MCM7: variants seen among roughly 807,000 people sequenced by gnomAD.
MCM7 encodes DNA replication licensing factor MCM7.
A neutral mutation model predicts 83.5 loss-of-function variants in MCM7; 95 were observed. The observed-to-expected ratio is 1.14, with a 90% CI of 0.96 to 1.35. MCM7 has a LOEUF of 1.35. MCM7 is among the 40% of genes most tolerant of loss of function. The pLI, the probability that MCM7 is intolerant of heterozygous loss-of-function variation, is 0.00. For missense variants in MCM7, 1,087 were observed against 957.4 expected (o/e 1.14, Z -1.79); for synonymous variants, 461 against 352.7 (o/e 1.31, Z -3.44).
intron 1 of MCM7, 185 bp downstream of exon 1, chr7:100,101,079 C>T (rs1795994142): frequency 2.7e-6 from 2 of 750,686 alleles, no homozygotes; most frequent in Admixed American, 2.8e-5. Context: ...TCTTCAACAT[C>T]GATGGCCCCC....
rs758325786 is a variant in MCM7, at chr7:100,097,632, G to A, written c.1099C>T (p.Arg367Ter). 5.0e-6 allele frequency: 8 copies of A among 1,613,852 alleles called. No homozygotes were observed. Among genetic ancestry groups the A allele is most frequent in the Non-Finnish European group, 5.9e-6 (7 of 1,180,012 alleles). The change falls in exon 9 of 15, where the codon CGA (arginine) becomes TGA (stop). Residue 367 changes from arginine to a stop codon, truncating the protein, a stop_gained. Transcript: ENST00000303887. LOFTEE classifies it high-confidence loss of function. ...LLVGGVDQSP[R>*]GMKIRGNINI... ...TTCTTACCCCGGATTTTCATGCCTC[G>A]AGGAGACTGGTCCACACCCCCGACT... is the stretch of plus-strand genomic sequence containing the variant.
Position 100,096,125 on chromosome 7 carries a change from G to A in MCM7, c.1244C>T (p.Thr415Met), listed in dbSNP as rs746208805. ...CACGGAGTCTCTCAGCACAGCTGCC[G>A]TAAGCCCCACTCCTGAGGAGCCCCG... ...TGRGSSGVGL[T>M]AAVLRDSVSG... is the part of the protein sequence containing the mutation. The change falls in exon 11 of 15, where the codon ACG becomes ATG. Residue 415 changes from threonine to methionine, a missense_variant. Coordinates refer to ENST00000303887, the MANE Select transcript of MCM7 (RefSeq NM_005916.5). 18 of 1,613,084 alleles carry A rather than the reference G, an allele frequency of 1.1e-5. No individual in the cohort carries two copies. In the Admixed American group the frequency reaches 1.2e-4, roughly 10 times the overall value.
chr7:100,098,641 C>A lies in MCM7; in HGVS notation c.657G>T (p.Arg219=). 1 of 1,614,138 alleles carries A rather than the reference C, an allele frequency of 6.2e-7. No individual in the cohort carries two copies. Among genetic ancestry groups the A allele is most frequent in the Non-Finnish European group, 8.5e-7 (1 of 1,180,036 alleles). Reference sequence around the variant, plus strand: ...TGGAGCCCCGTGTCTGCAGATACAGCCGCCCTCCTGAGCGGTTGGTTTGGC... The same window carrying A: ...TGGAGCCCCGTGTCTGCAGATACAGACGCCCTCCTGAGCGGTTGGTTTGGC... The part of the protein sequence containing the change: ...QECQTNRSGG[R]LYLQTRGSRF... Residue 219 remains arginine, a synonymous_variant, in exon 6 of 15, where the codon CGG becomes CGT. Coordinates refer to ENST00000303887, the MANE Select transcript of MCM7 (RefSeq NM_005916.5).
rs527521032 is a variant in MCM7 at position 100,098,947 on chromosome 7, G to A, written c.582+76C>T. 2.3e-5 allele frequency: 36 copies of A among 1,572,678 alleles called. No individual in the cohort carries two copies. The African/African-American group carries it at 3.6e-4, about 16-fold the overall frequency. On this transcript the variant is annotated intron_variant, in intron 5 of 14. Coordinates refer to ENST00000303887, the MANE Select transcript of MCM7 (RefSeq NM_005916.5). ...ACTTTTACAACCAAATAAAACAATAGGCATCACAGGATCAAATTAATCTCT... is the reference window on the plus strand; with the variant it reads ...ACTTTTACAACCAAATAAAACAATAAGCATCACAGGATCAAATTAATCTCT...
chr7:100,099,933 T>C, intron 2 of MCM7, 81 bp downstream of exon 2: 2 of 1,468,846 alleles, frequency 1.4e-6, no homozygotes, highest in Non-Finnish European at 1.9e-6. Flanking sequence ...TTGTTATGTC[T>C]TTAATAAAAC....
rs748390138 is a variant in MCM7 at position 100,098,587 on chromosome 7, C to A, written c.711G>T (p.Met237Ile). The A allele has an allele frequency of 6.2e-7, 1 of 1,614,228 alleles. No individual in the cohort carries two copies. The highest frequency in any genetic ancestry group is 8.5e-7 in the Non-Finnish European group (1 of 1,180,040). ...SRFIKFQEMKMQEHSDQVPVG... is the reference protein window; with the variant it reads ...SRFIKFQEMKIQEHSDQVPVG... ...CGTACCCCAAACTCACATGTTCTTG[C>A]ATCTTCATCTCCTGGAATTTGATGA... Residue 237 changes from methionine to isoleucine, a missense_variant, in exon 6 of 15, where the codon ATG (methionine) becomes ATT (isoleucine). Transcript: ENST00000303887.
At chr7:100,093,180 G>T in intron 14 of MCM7, 47 bp from the exon 15 acceptor site, 1 of 1,603,328 alleles carries the variant, frequency 6.2e-7, no homozygotes, top group Non-Finnish European at 8.5e-7. Context: ...AAACAGGAAT[G>T]CTCGACATCA....
chr7:100,100,711 G>GCTCT (rs937973129), intron 1 of MCM7: 1 of 989,264 alleles, frequency 1.0e-6, no homozygotes, highest in Non-Finnish European at 1.2e-6. Flanking sequence ...CCGGGCCGCA[G>GCTCT]CTCTCTCCGC....
chr7:100,095,500 C>T, intron 11 of MCM7, 30 bp from the exon 12 acceptor site: 1 of 1,604,002 alleles, frequency 6.2e-7, no homozygotes, highest in Non-Finnish European at 8.5e-7. Context: ...GAAGGAACAC[C>T]CTTTTTAGGG....
At position 100,101,267 on chromosome 7, in the gene MCM7, T is replaced by C. The variant is rs1423496444; in HGVS notation, c.28A>G (p.Lys10Glu). 6.2e-7 allele frequency: 1 copy of C among 1,613,198 alleles called. No homozygotes were observed. Among genetic ancestry groups the C allele is most frequent in the Non-Finnish European group, 8.5e-7 (1 of 1,179,866 alleles). MALKDYALE[K>E]EKVKKFLQEF... ...TCCCGGGCTCGTAGACCCGTACCCT[T>C]CTCTAGCGCGTAGTCCTTCAGTGCC... is the stretch of plus-strand genomic sequence containing the variant. Residue 10 changes from lysine to glutamate, a missense_variant, in exon 1 of 15, where the codon AAG (lysine) becomes GAG (glutamate). Physicochemically the swap from Lys to Glu is moderately conservative, Grantham distance 56. Coordinates refer to ENST00000303887, the MANE Select transcript of MCM7 (RefSeq NM_005916.5).
At chr7:100,093,175 G>A (rs1450880627) in intron 14 of MCM7, 42 bp from the exon 15 acceptor site, 18 of 1,606,576 alleles carry the variant, frequency 1.1e-5, no homozygotes, top group Middle Eastern at 3.3e-4. Context: ...GATACAAACA[G>A]GAATGCTCGA....
intron 9 of MCM7, 80 bp downstream of exon 9, chr7:100,097,534 G>A: frequency 6.2e-7 from 1 of 1,601,546 alleles, no homozygotes; most frequent in Non-Finnish European, 8.5e-7. Context: ...CTCATACTGT[G>A]ACCTACAGGG....
chr7:100,100,480 C>G (rs1342163984), intron 1 of MCM7: 1 of 912,284 alleles, frequency 1.1e-6, no homozygotes. Flanking sequence ...CGCCACCGCA[C>G]CCCGCCACCG....
intron 13 of MCM7, 140 bp from the exon 14 acceptor site, chr7:100,093,541 C>G (rs779938327): frequency 2.4e-6 from 2 of 826,472 alleles, no homozygotes; most frequent in African/African-American, 1.7e-5. Context: ...CCCCCCTCCC[C>G]CCAGCATCCG....
intron 6 of MCM7, 130 bp downstream of exon 6, chr7:100,098,448 A>C: frequency 4.0e-6 from 6 of 1,506,476 alleles, no homozygotes; most frequent in Non-Finnish European, 5.4e-6. Flanking sequence ...GGCTCCCAGG[A>C]AATTCTAGTT....
chr7:100,094,520 T>C (rs543129612), intron 12 of MCM7, among the ~76,000 whole-genome samples, 179 bp from the exon 13 acceptor site: 8 of 152,314 alleles, frequency 5.3e-5, no homozygotes, highest in Non-Finnish European at 1.2e-4. Flanking sequence ...CTGATGGATT[T>C]CACCAAACGT....
chr7:100,096,642 G>A (rs993985741), intron 10 of MCM7, among the ~76,000 whole-genome samples: 1 of 152,090 alleles, frequency 6.6e-6, no homozygotes, highest in Non-Finnish European at 1.5e-5. Flanking sequence ...AAGTGTGGTG[G>A]CACGCGCCTG....
At chr7:100,100,691 G>C (rs768937945) in intron 1 of MCM7, 107 of 989,758 alleles carry the variant, frequency 1.1e-4, no homozygotes, top group Non-Finnish European at 1.2e-4. Flanking sequence ...CGGATCCCAG[G>C]CACGCCCCCC....
chr7:100,100,466 C>G, intron 1 of MCM7: 1 of 996,028 alleles, frequency 1.0e-6, no homozygotes, highest in Middle Eastern at 5.1e-4. Context: ...TTCACCGGGA[C>G]CTCCGCCACC....
Sources: allele counts gnomAD v4.1 joint callset (sites outside exome capture counted in the v4.1 genomes callset), GRCh38; gene constraint gnomAD v4.1.1; transcripts MANE v1.5; gene names NCBI Gene and HGNC (gene_info 2026-07-23, HGNC 2026-07-21).